Variants in EXOC2 observed in about 807,000 individuals in gnomAD.
EXOC2 encodes SEC5-like 1.
A neutral mutation model predicts 131.8 loss-of-function variants in EXOC2; 70 were observed. The ratio of observed to expected loss-of-function variants is 0.53; its 90% CI spans 0.44 to 0.65. The LOEUF (loss-of-function observed/expected upper bound fraction) is 0.65, where lower values mean the gene tolerates loss of function less well. Ranked by LOEUF, EXOC2 falls within the 30% of genes least tolerant of loss-of-function variation. The pLI, the probability that EXOC2 is intolerant of heterozygous loss-of-function variation, is 0.00. For missense variants in EXOC2, 923 were observed against 1,108.6 expected (o/e 0.83, Z 2.38); for synonymous variants, 411 against 398.4 (o/e 1.03, Z -0.38).
At chr6:620,954 G>A (rs1040997122) in intron 4 of EXOC2, among the ~76,000 whole-genome samples, 3 of 152,134 alleles carry the variant, frequency 2.0e-5, no homozygotes, top group East Asian at 1.9e-4. Flanking sequence ...GCATTTTCAC[G>A]GGTTCCCTAA....
In EXOC2 at chr6:619,419, T is replaced by C. The variant is rs367935492; in HGVS notation, c.536+11A>G. ...AAACCCTTCACAGTTGACAGTCCCA[T>C]ATCCACTAACCTGGTGTTTGAGTGA... On this transcript the variant is annotated intron_variant, in intron 5 of 27. Transcript: ENST00000230449. The C allele has an allele frequency of 1.2e-4, 195 of 1,601,838 alleles. No homozygotes were observed. The highest frequency in any genetic ancestry group is 1.6e-4 in the Non-Finnish European group (187 of 1,169,166).
chr6:514,120 G>A (rs1446643617), intron 23 of EXOC2, among the ~76,000 whole-genome samples: 1 of 152,196 alleles, frequency 6.6e-6, no homozygotes, highest in Non-Finnish European at 1.5e-5. Context: ...TTCCTTGGCT[G>A]TAAAAGAAAG....
chr6:649,892 T>C (rs1206074990), intron 1 of EXOC2, among the ~76,000 whole-genome samples: 1 of 152,226 alleles, frequency 6.6e-6, no homozygotes, highest in Admixed American at 6.5e-5. Context: ...TAGTGTTTTC[T>C]TGCTTCTCAG....
intron 1 of EXOC2, among the ~76,000 whole-genome samples, chr6:647,498 C>G: frequency 6.8e-6 from 1 of 147,594 alleles, no homozygotes; most frequent in African/African-American, 2.5e-5. Context: ...CAAGAGCACA[C>G]ACCTGATGAG....
chr6:605,524 T>C (rs1044328371), intron 7 of EXOC2, among the ~76,000 whole-genome samples: 8 of 152,240 alleles, frequency 5.3e-5, no homozygotes, highest in Non-Finnish European at 1.0e-4. Flanking sequence ...TGGTAGTTTG[T>C]ATTTCTGTGG....
chr6:667,715 T>C (rs1413549173), intron 1 of EXOC2, among the ~76,000 whole-genome samples: 1 of 58,914 alleles, frequency 1.7e-5, no homozygotes, highest in East Asian at 1.2e-3. Flanking sequence ...GACTGAGAGA[T>C]ACACTGCGGG....
intron 23 of EXOC2, among the ~76,000 whole-genome samples, chr6:530,369 T>G (rs1766005065): frequency 6.6e-6 from 1 of 152,224 alleles, no homozygotes; most frequent in African/African-American, 2.4e-5. Context: ...TGTCACAGAC[T>G]GCACTATGCT....
At chr6:514,859 A>T (rs1765055982) in intron 23 of EXOC2, among the ~76,000 whole-genome samples, 1 of 152,116 alleles carries the variant, frequency 6.6e-6, no homozygotes, top group Admixed American at 6.5e-5. Flanking sequence ...GTCGGAGGGG[A>T]GCGAGGGAGC....
At chr6:593,891 T>C (rs1367127878) in intron 10 of EXOC2, among the ~76,000 whole-genome samples, 1 of 152,238 alleles carries the variant, frequency 6.6e-6, no homozygotes, top group Non-Finnish European at 1.5e-5. Flanking sequence ...AAATCCACTT[T>C]GTAATATGTT....
intron 22 of EXOC2, among the ~76,000 whole-genome samples, chr6:542,895 C>T (rs937235953): frequency 2.0e-5 from 3 of 152,154 alleles, no homozygotes; most frequent in South Asian, 2.1e-4. Context: ...CCTACACAAA[C>T]GCCAGCCTAC....
At chr6:591,610 C>T (rs1421439779) in intron 11 of EXOC2, among the ~76,000 whole-genome samples, 1 of 152,080 alleles carries the variant, frequency 6.6e-6, no homozygotes, top group African/African-American at 2.4e-5. Context: ...AGAACTTCCC[C>T]AGTCATATGA....
intron 7 of EXOC2, among the ~76,000 whole-genome samples, chr6:601,250 CCACA>C (rs1482487859): frequency 2.2e-5 from 3 of 138,904 alleles, no homozygotes; most frequent in African/African-American, 8.2e-5. Context: ...GTGTACGAAT[CCACA>C]CACATTCTCA....
At chr6:520,969 CAA>C in intron 23 of EXOC2, among the ~76,000 whole-genome samples, 1 of 151,098 alleles carries the variant, frequency 6.6e-6, no homozygotes, top group African/African-American at 2.5e-5. Context: ...GAGATGAAAA[CAA>C]CCACCCACCG....
intron 11 of EXOC2, among the ~76,000 whole-genome samples, chr6:580,453 T>C (rs1033621950): frequency 5.3e-5 from 8 of 152,210 alleles, no homozygotes; most frequent in Non-Finnish European, 1.0e-4. Context: ...CTCTTGGCAG[T>C]AAATTTTCTA....
intron 6 of EXOC2, among the ~76,000 whole-genome samples, chr6:616,426 AC>A (rs1761005007): frequency 1.3e-5 from 2 of 151,196 alleles, no homozygotes; most frequent in South Asian, 4.2e-4. Context: ...ACACGGTGAA[AC>A]CCCGTCTCTA....
intron 1 of EXOC2, among the ~76,000 whole-genome samples, chr6:655,757 G>C (rs1483753654): frequency 6.6e-6 from 1 of 152,018 alleles, no homozygotes; most frequent in South Asian, 2.1e-4. Context: ...GAACTTTCCC[G>C]CTTTACACAG....
rs868751025 is a variant in EXOC2, at chr6:589,878, G to A, written c.1192+2591C>T. Among the ~76,000 whole-genome samples, 61 of 152,250 alleles carry A rather than the reference G, an allele frequency of 4.0e-4. No homozygotes were observed. The Middle Eastern group carries it at 0.014, about 34-fold the overall frequency. ...TCCCAGCACTTTGGGAGGCCGAGGC[G>A]GGTGGATCACGAGGTCAGGAGATCG... On this transcript the variant is annotated intron_variant, in intron 11 of 27. Transcript: ENST00000230449.
chr6:583,761 C>T (rs1304249072), intron 11 of EXOC2, among the ~76,000 whole-genome samples: 2 of 152,230 alleles, frequency 1.3e-5, no homozygotes, highest in Non-Finnish European at 2.9e-5. Flanking sequence ...TTTTGAAAAA[C>T]TCTGTCATCA....
At chr6:689,008 C>T (rs1764794073) in intron 1 of EXOC2, 1 of 152,210 alleles carries the variant, frequency 6.6e-6, no homozygotes, top group Non-Finnish European at 1.5e-5. Context: ...GAAGGGGCAG[C>T]CTTGTGCAAA....
Sources: gnomAD v4.1 joint callset for allele counts (sites outside exome capture counted in the v4.1 genomes callset) on GRCh38, gnomAD v4.1.1 for gene constraint, MANE v1.5 for transcripts, NCBI Gene and HGNC (gene_info 2026-07-23, HGNC 2026-07-21) for gene names.